Variants in DMGDH observed in about 807,000 individuals in gnomAD.
The protein encoded by DMGDH is dimethylglycine dehydrogenase.
In DMGDH, 76 loss-of-function variants were observed where a neutral mutation model predicts 95.2. The ratio of observed to expected loss-of-function variants is 0.80; its 90% CI spans 0.66 to 0.97. The LOEUF is 0.97. Among genes scored for constraint, DMGDH ranks in the 50% least tolerant of loss-of-function variants. DMGDH has a pLI of 0.00. For missense variants in DMGDH, 987 were observed against 1,055.0 expected (o/e 0.94, Z 0.89); for synonymous variants, 345 against 377.6 (o/e 0.91, Z 1.00).
chr5:79,064,649 A>G (rs1346400498), intron 1 of DMGDH, among the ~76,000 whole-genome samples: 1 of 152,134 alleles, frequency 6.6e-6, no homozygotes, highest in Non-Finnish European at 1.5e-5. Flanking sequence ...AACAGTTTAA[A>G]TGCAAACACA....
chr5:79,041,603 GA>G (rs1302714163), intron 7 of DMGDH, among the ~76,000 whole-genome samples: 1 of 152,188 alleles, frequency 6.6e-6, no homozygotes, highest in Non-Finnish European at 1.5e-5. Flanking sequence ...ATCGTGTTAT[GA>G]AAACATCCTT....
chr5:79,069,299 T>C (rs183467837), intron 1 of DMGDH, among the ~76,000 whole-genome samples: 161 of 152,362 alleles, frequency 1.1e-3, no homozygotes, highest in African/African-American at 3.7e-3. Flanking sequence ...AAGACACTAT[T>C]AACAATTGTT....
At chr5:79,003,236 G>A (rs535626796) in intron 15 of DMGDH, among the ~76,000 whole-genome samples, 39 of 152,220 alleles carry the variant, frequency 2.6e-4, no homozygotes, top group South Asian at 1.9e-3. Flanking sequence ...AAGATGAGGT[G>A]GGAGGAAATG....
At position 79,028,665 on chromosome 5, in the gene DMGDH, T is replaced by G; in HGVS notation, c.1815-15A>C. On this transcript the variant is annotated splice_polypyrimidine_tract_variant and intron_variant, in intron 11 of 15. Transcript: ENST00000255189. Reference sequence around the variant, plus strand: ...CTTCAATCCATCTGCGTTTTAGTCATGAACATGGTGTTAAATATTGCTTGA... The same window carrying G: ...CTTCAATCCATCTGCGTTTTAGTCAGGAACATGGTGTTAAATATTGCTTGA... 2 of 1,612,484 alleles carry G rather than the reference T, an allele frequency of 1.2e-6. No individual in the cohort carries two copies. Among genetic ancestry groups the G allele is most frequent in the Non-Finnish European group, 1.7e-6 (2 of 1,178,602 alleles).
intron 7 of DMGDH, among the ~76,000 whole-genome samples, chr5:79,040,008 A>T (rs1212323608): frequency 6.8e-6 from 1 of 147,822 alleles, no homozygotes; most frequent in African/African-American, 2.5e-5. Flanking sequence ...TGAATCCTTT[A>T]TAATAAAAGA....
chr5:79,050,452 T>C (rs193297191), intron 5 of DMGDH, among the ~76,000 whole-genome samples: 2 of 152,130 alleles, frequency 1.3e-5, no homozygotes, highest in African/African-American at 4.8e-5. Flanking sequence ...CACTGCCTCA[T>C]GCTTATTTTA....
chr5:79,025,626 T>C (rs917131908), intron 13 of DMGDH, among the ~76,000 whole-genome samples: 12 of 152,368 alleles, frequency 7.9e-5, no homozygotes, highest in Admixed American at 6.5e-4. Context: ...GCCAGATAGC[T>C]GGTGCGTGGT....
chr5:79,007,716 C>G (rs761599202), intron 14 of DMGDH, among the ~76,000 whole-genome samples: 4 of 152,152 alleles, frequency 2.6e-5, no homozygotes, highest in Non-Finnish European at 5.9e-5. Flanking sequence ...CCTCACCTAC[C>G]ATCATGGAAT....
chr5:79,059,337 G>A (rs1445135320), intron 2 of DMGDH, among the ~76,000 whole-genome samples: 1 of 152,154 alleles, frequency 6.6e-6, no homozygotes, highest in Non-Finnish European at 1.5e-5. Flanking sequence ...AGAAGACACC[G>A]CTCAGTGAGG....
chr5:79,048,973 G>A (rs955947077), intron 5 of DMGDH, among the ~76,000 whole-genome samples: 28 of 152,180 alleles, frequency 1.8e-4, no homozygotes, highest in African/African-American at 6.0e-4. Flanking sequence ...GAGTTACTAG[G>A]AAAAGGGATT....
At position 79,018,596 on chromosome 5, in the gene DMGDH, C is replaced by A. The variant is rs1268159338; in HGVS notation, c.2250+5675G>T. Among the ~76,000 whole-genome samples, 3 of 152,016 alleles carry A rather than the reference C, an allele frequency of 2.0e-5. No individual in the cohort carries two copies. The South Asian group carries it at 6.2e-4, about 31-fold the overall frequency. On this transcript the variant is annotated intron_variant, in intron 14 of 15. Coordinates refer to ENST00000255189, the MANE Select transcript of DMGDH (RefSeq NM_013391.3). Reference sequence around the variant, plus strand: ...AGGGATAGGTTTACTATCTTCACTGCGGTGATGGTTTCACTGCTGTATCAT... The same window carrying A: ...AGGGATAGGTTTACTATCTTCACTGAGGTGATGGTTTCACTGCTGTATCAT...
chr5:79,052,579 G>A (rs1357524039), intron 4 of DMGDH, among the ~76,000 whole-genome samples: 2 of 152,142 alleles, frequency 1.3e-5, no homozygotes, highest in Admixed American at 6.5e-5. Flanking sequence ...ATAGGACCTC[G>A]TTGTAGTAAT....
intron 1 of DMGDH, among the ~76,000 whole-genome samples, chr5:79,067,592 T>C (rs1755414586): frequency 1.3e-5 from 2 of 152,256 alleles, no homozygotes; most frequent in Non-Finnish European, 2.9e-5. Context: ...GTGAAGGTTC[T>C]GTTTGGCAAC....
chr5:79,062,692 C>A (rs1755244727), intron 2 of DMGDH, among the ~76,000 whole-genome samples: 1 of 152,140 alleles, frequency 6.6e-6, no homozygotes, highest in African/African-American at 2.4e-5. Flanking sequence ...ATGAAGAATG[C>A]AAGACTGACT....
chr5:79,060,998 G>A (rs1332521460), intron 2 of DMGDH, among the ~76,000 whole-genome samples: 1 of 151,888 alleles, frequency 6.6e-6, no homozygotes, highest in East Asian at 1.9e-4. Context: ...TAAGTGGGAG[G>A]ACTGCTTGAG....
intron 7 of DMGDH, among the ~76,000 whole-genome samples, chr5:79,033,842 GGAT>G (rs1754263295): frequency 6.6e-6 from 1 of 152,178 alleles, no homozygotes. Context: ...TGAGGCAGGA[GGAT>G]AACTTGAGCC....
intron 15 of DMGDH, among the ~76,000 whole-genome samples, chr5:78,999,669 G>T (rs564684825): frequency 1.3e-5 from 2 of 152,274 alleles, no homozygotes; most frequent in South Asian, 4.1e-4. Context: ...TGTGAAAACT[G>T]GTTGACCGTG....
intron 2 of DMGDH, among the ~76,000 whole-genome samples, chr5:79,056,697 T>C (rs904539272): frequency 6.7e-6 from 1 of 149,952 alleles, no homozygotes; most frequent in Non-Finnish European, 1.5e-5. Flanking sequence ...CTACTAAAAA[T>C]ACAAAAAATT....
chr5:79,054,989 T>C (rs73132126), intron 3 of DMGDH, among the ~76,000 whole-genome samples: 17,935 of 152,220 alleles, frequency 0.12, 1,261 homozygotes, highest in African/African-American at 0.19. Context: ...CAGCTTTGAC[T>C]TGCCTAGCAG....
Sources: allele counts gnomAD v4.1 joint callset (sites outside exome capture counted in the v4.1 genomes callset), GRCh38; gene constraint gnomAD v4.1.1; transcripts MANE v1.5; gene names NCBI Gene and HGNC (gene_info 2026-07-23, HGNC 2026-07-21).